SDR16C5: variants seen among roughly 807,000 people sequenced by gnomAD.
SDR16C5 encodes short chain dehydrogenase/reductase family 16C member 5.
Under a neutral mutation model 27.7 loss-of-function variants are expected in SDR16C5, and 20 were observed. The observed-to-expected ratio is 0.72, with a 90% CI of 0.51 to 1.05. The LOEUF is 1.05. SDR16C5 is among the 50% of genes least tolerant of loss of function. The pLI is 0.00. For missense variants in SDR16C5, 374 were observed against 366.3 expected, an observed-to-expected ratio of 1.02 and a Z score of -0.17; for synonymous variants, 139 against 132.3, an observed-to-expected ratio of 1.05 and a Z score of -0.35.
chr8:56,307,612 T>C (rs942848457), intron 4 of SDR16C5, among the ~76,000 whole-genome samples: 2 of 152,112 alleles, frequency 1.3e-5, no homozygotes, highest in Non-Finnish European at 2.9e-5. Context: ...AGGCGTGGGG[T>C]TGTCCAGCCC....
At chr8:56,316,684 C>T (rs1278056096) in intron 1 of SDR16C5, among the ~76,000 whole-genome samples, 1 of 152,184 alleles carries the variant, frequency 6.6e-6, no homozygotes, top group African/African-American at 2.4e-5. Context: ...CATTATTGCT[C>T]ATAGTTAGCC....
intron 1 of SDR16C5, among the ~76,000 whole-genome samples, 152 bp from the exon 2 acceptor site, chr8:56,316,513 T>G (rs73598185): frequency 0.025 from 3,769 of 152,234 alleles, 170 homozygotes; most frequent in African/African-American, 0.086. Flanking sequence ...ATTCAGAAAG[T>G]GGGAGGAGGA....
intron 5 of SDR16C5, among the ~76,000 whole-genome samples, chr8:56,306,355 A>T: frequency 6.6e-6 from 1 of 152,134 alleles, no homozygotes. Context: ...CTCTCCAGTT[A>T]TTTCTAGTCC....
rs1814739239 is a variant in SDR16C5 at position 56,301,015 on chromosome 8, G to C, written c.*465C>G. 1 of 155,568 alleles carries C rather than the reference G, an allele frequency of 6.4e-6. No homozygotes were observed. Among genetic ancestry groups the C allele is most frequent in the African/African-American group, 2.4e-5 (1 of 41,476 alleles). The allele number at this position is 155,568 out of a possible 1,614,324, so 9.6% of individuals were successfully genotyped here. On this transcript the variant is annotated 3_prime_UTR_variant, in exon 7 of 7. Transcript: ENST00000303749. ...AGGTGGTACAGGTTCAAAATGGCCAGAGAGGATAGCAAGGGGGTAGAAATC... is the reference window on the plus strand; with the variant it reads ...AGGTGGTACAGGTTCAAAATGGCCACAGAGGATAGCAAGGGGGTAGAAATC...
In SDR16C5 at chr8:56,306,743, C is replaced by G; in HGVS notation, c.643G>C (p.Gly215Arg). Residue 215 changes from glycine (G) to arginine (R), a missense_variant, in exon 5 of 7, where the codon GGG (glycine) becomes CGG (arginine). Transcript: ENST00000303749. ...GGGCACACAATCGTGGTTTTGATCC[C>G]CTTTTGTTTTTGGACAAATGTTTCT... is the stretch of plus-strand genomic sequence containing the variant. ...FVETFVQKQK[G>R]IKTTIVCPFF... 6.2e-6 allele frequency: 10 copies of G among 1,613,800 alleles called. No homozygotes were observed. The highest frequency in any genetic ancestry group is 8.5e-6 in the Non-Finnish European group (10 of 1,179,920).
At chr8:56,314,413 A>G (rs1815134948) in intron 2 of SDR16C5, among the ~76,000 whole-genome samples, 1 of 152,208 alleles carries the variant, frequency 6.6e-6, no homozygotes, top group Non-Finnish European at 1.5e-5. Flanking sequence ...CTGGGGCAGA[A>G]CTAAATCACA....
chr8:56,315,313 C>T (rs1304244665), intron 2 of SDR16C5, among the ~76,000 whole-genome samples: 2 of 151,654 alleles, frequency 1.3e-5, no homozygotes, highest in East Asian at 3.9e-4. Flanking sequence ...AAATCCCTAC[C>T]ATCTTCATGT....
intron 6 of SDR16C5, 137 bp from the exon 7 acceptor site, chr8:56,301,710 A>C (rs1585904842): frequency 1.6e-6 from 1 of 634,792 alleles, no homozygotes; most frequent in South Asian, 1.9e-5. Context: ...CCTGAGTGCT[A>C]CCCGCCTCAG....
Position 56,301,298 on chromosome 8 carries a change from A to C in SDR16C5, c.*182T>G, listed in dbSNP as rs1814747146. 1.9e-6 allele frequency: 1 copy of C among 525,948 alleles called. No individual in the cohort carries two copies. Among genetic ancestry groups the C allele is most frequent in the Non-Finnish European group, 3.4e-6 (1 of 294,458 alleles). The allele number at this position is 525,948 out of a possible 1,614,324, so 32.6% of individuals were successfully genotyped here. A position where few individuals can be genotyped will look rare whatever the true frequency, so the allele number is the denominator to read the frequency against. ...AAAAGAAAAAACCAAAACTCAACCA[A>C]ATAGGTGATAGCAACATTATTTTCA... is the stretch of plus-strand genomic sequence containing the variant. On this transcript the variant is annotated 3_prime_UTR_variant, in exon 7 of 7. Transcript: ENST00000303749.
At position 56,301,229 on chromosome 8, in the gene SDR16C5, G is replaced by C. The variant is rs1814745273; in HGVS notation, c.*251C>G. The C allele has an allele frequency of 2.6e-6, 1 of 383,418 alleles. No homozygotes were observed. The highest frequency in any genetic ancestry group is 4.8e-6 in the Non-Finnish European group (1 of 208,074). The allele number at this position is 383,418 out of a possible 1,614,324, so 23.8% of individuals were successfully genotyped here. A position where few individuals can be genotyped will look rare whatever the true frequency, so the allele number is the denominator to read the frequency against. ...TCACTTTCTTACATCTGTGGTAATGGAAATGACAAAAATGGGCTGTCTTTA... is the reference window on the plus strand; with the variant it reads ...TCACTTTCTTACATCTGTGGTAATGCAAATGACAAAAATGGGCTGTCTTTA... On this transcript the variant is annotated 3_prime_UTR_variant, in exon 7 of 7. Transcript: ENST00000303749.
chr8:56,306,388 G>C (rs1349131978), intron 5 of SDR16C5, among the ~76,000 whole-genome samples: 1 of 152,198 alleles, frequency 6.6e-6, no homozygotes, highest in East Asian at 1.9e-4. Context: ...AGAGGGAGCA[G>C]AATGGGATTG....
Position 56,308,933 on chromosome 8 carries a change from AG to A in SDR16C5, c.559del (p.Leu187TrpfsTer20). 6.2e-7 allele frequency: 1 copy of A among 1,608,206 alleles called. No homozygotes were observed. Among genetic ancestry groups the A allele is most frequent in the South Asian group, 1.1e-5 (1 of 89,450 alleles). On this transcript the variant is annotated frameshift_variant, in exon 4 of 7. Coordinates refer to ENST00000303749, the MANE Select transcript of SDR16C5 (RefSeq NM_138969.4). LOFTEE classifies it high-confidence loss of function. ...SSAGLSGVNGLADYCASKFAA... is the reference protein window; with the variant it reads ...SSAGLSGVNGXADYCASKFAA... The stretch of plus-strand genomic sequence containing the variant: ...AATTGCTATGTTTTTCTTACCTGCC[AG>A]CCCATTTACTCCACTTAATCCAGCT...
rs543574313 is a variant in SDR16C5 at position 56,301,099 on chromosome 8, C to T, written c.*381G>A. The T allele has an allele frequency of 3.7e-3, 661 of 180,428 alleles. 3 individuals carry two copies. The highest frequency in any genetic ancestry group is 0.013 in the African/African-American group (568 of 42,132). The allele number at this position is 180,428 out of a possible 1,614,324, so 11.2% of individuals were successfully genotyped here. ...TGGCTGGATATCCACATGTCCTCTTCGCCCCTCAGCCCTGCTCCCCAAGGC... is the reference window on the plus strand; with the variant it reads ...TGGCTGGATATCCACATGTCCTCTTTGCCCCTCAGCCCTGCTCCCCAAGGC... On this transcript the variant is annotated 3_prime_UTR_variant, in exon 7 of 7. Coordinates refer to ENST00000303749, the MANE Select transcript of SDR16C5 (RefSeq NM_138969.4).
intron 6 of SDR16C5, 119 bp downstream of exon 6, chr8:56,305,478 T>G: frequency 1.1e-6 from 1 of 906,812 alleles, no homozygotes; most frequent in South Asian, 2.1e-5. Context: ...CAGGACTTAA[T>G]AGAATTAAAT....
chr8:56,319,618 A>G (rs1450599211), intron 1 of SDR16C5, among the ~76,000 whole-genome samples: 1 of 152,178 alleles, frequency 6.6e-6, no homozygotes, highest in Non-Finnish European at 1.5e-5. Flanking sequence ...CACCCGGACG[A>G]AACGGGAGGG....
In SDR16C5 at chr8:56,316,244, C is replaced by G. The variant is rs772872361; in HGVS notation, c.104G>C (p.Arg35Pro). ...GACTATTTCACCAGCAACGTTCTTC[C>G]GTGGCTTTGGGAGTAAGGCAAAAAT... Reference protein sequence around the residue: ...AMIFALLPKPRKNVAGEIVLI... With the variant: ...AMIFALLPKPPKNVAGEIVLI... The change falls in exon 2 of 7, where the codon CGG becomes CCG. Residue 35 changes from arginine to proline, a missense_variant. Coordinates refer to ENST00000303749, the MANE Select transcript of SDR16C5 (RefSeq NM_138969.4). The G allele has an allele frequency of 6.2e-7, 1 of 1,614,020 alleles. No individual in the cohort carries two copies. Among genetic ancestry groups the G allele is most frequent in the South Asian group, 1.1e-5 (1 of 91,080 alleles).
intron 6 of SDR16C5, among the ~76,000 whole-genome samples, chr8:56,302,784 C>T (rs752608703): frequency 6.6e-6 from 1 of 150,840 alleles, no homozygotes; most frequent in African/African-American, 2.4e-5. Flanking sequence ...AATTTGAGAC[C>T]AGCCTGGGCA....
chr8:56,310,813 C>A (rs1360630974), intron 3 of SDR16C5, among the ~76,000 whole-genome samples: 1 of 151,566 alleles, frequency 6.6e-6, no homozygotes, highest in African/African-American at 2.4e-5. Flanking sequence ...TGAGTATAAG[C>A]AAGCACCAAG....
chr8:56,314,689 C>G (rs973308202), intron 2 of SDR16C5, among the ~76,000 whole-genome samples: 5 of 149,984 alleles, frequency 3.3e-5, no homozygotes, highest in Non-Finnish European at 7.4e-5. Context: ...TACTGGGCAG[C>G]CTGTGTTTGG....
Sources: allele counts gnomAD v4.1 joint callset (sites outside exome capture counted in the v4.1 genomes callset), GRCh38; gene constraint gnomAD v4.1.1; transcripts MANE v1.5; gene names NCBI Gene and HGNC (gene_info 2026-07-23, HGNC 2026-07-21).